NTN1: variants seen among roughly 807,000 people sequenced by gnomAD.
NTN1 encodes the protein netrin 1, also known as netrin-1.
Under a neutral mutation model 54.2 loss-of-function variants are expected in NTN1, and 11 were observed. The observed-to-expected ratio is 0.20, with a 90% CI of 0.13 to 0.34. The LOEUF is 0.34. Among genes scored for constraint, NTN1 ranks in the 10% least tolerant of loss-of-function variants. NTN1 has a pLI of 1.00. For synonymous variants in NTN1, 371 were observed against 382.0 expected, an observed-to-expected ratio of 0.97 and a Z score of 0.33; for missense variants, 740 against 893.1, an observed-to-expected ratio of 0.83 and a Z score of 2.18.
Position 9,117,784 on chromosome 17 carries a change from A to AAAC in NTN1, c.1019-45027_1019-45026insCAA, listed in dbSNP as rs1467214151. On this transcript the variant is annotated intron_variant, in intron 2 of 6. Coordinates refer to ENST00000173229, the MANE Select transcript of NTN1 (RefSeq NM_004822.3). ...AAACAAAAAAACCAAAAAAAAAAAA[A>AAAC]AAACAAGCTTCCATGTGCACGGCGT... 5.3e-5 allele frequency among the ~76,000 whole-genome samples: 8 copies of AAAC among 151,068 alleles called. No homozygotes were observed. In the South Asian group the frequency reaches 8.4e-4, roughly 16 times the overall value.
At chr17:9,085,287 C>T (rs571167982) in intron 2 of NTN1, among the ~76,000 whole-genome samples, 1 of 152,324 alleles carries the variant, frequency 6.6e-6, no homozygotes, top group East Asian at 1.9e-4. Context: ...TCCTCAGCTT[C>T]CCGATGGAAG....
At chr17:9,027,504 T>C (rs968727403) in intron 2 of NTN1, among the ~76,000 whole-genome samples, 1 of 152,104 alleles carries the variant, frequency 6.6e-6, no homozygotes, top group Non-Finnish European at 1.5e-5. Flanking sequence ...TGCTTTTCCA[T>C]AGAATGAATG....
upstream of NTN1, among the ~76,000 whole-genome samples, chr17:9,021,106 A>C (rs2091844892): frequency 6.6e-6 from 1 of 151,768 alleles, no homozygotes; most frequent in Non-Finnish European, 1.5e-5. Flanking sequence ...ACAAACACAG[A>C]TGTGTTTGGC....
rs143838223 is a variant in NTN1 at position 9,165,675 on chromosome 17, G to T, written c.1207+2674G>T. ...GGACTCTTAGTGCCTGTTGACTGGG[G>T]AGGAATGACAGTGTTTCAAGGAAAC... On this transcript the variant is annotated intron_variant, in intron 3 of 6. Transcript: ENST00000173229. This position sits in a 1 kb window ranked among gnomAD's most constrained non-coding sequence, Gnocchi z 4.5. 3.3e-5 allele frequency among the ~76,000 whole-genome samples: 5 copies of T among 152,312 alleles called. No homozygotes were observed. Among genetic ancestry groups the T allele is most frequent in the African/African-American group, 1.2e-4 (5 of 41,570 alleles).
At chr17:9,140,634 G>T (rs2092295104) in intron 2 of NTN1, among the ~76,000 whole-genome samples, 1 of 152,174 alleles carries the variant, frequency 6.6e-6, no homozygotes, top group Non-Finnish European at 1.5e-5. Context: ...AGTCCAACAG[G>T]AGTTGGCCAC....
intron 2 of NTN1, among the ~76,000 whole-genome samples, chr17:9,106,481 CT>C (rs2092166972): frequency 1.1e-4 from 4 of 34,932 alleles, no homozygotes; most frequent in East Asian, 0.016. Context: ...TCCTTCCTTC[CT>C]TCCTTCCTTC....
At chr17:9,151,238 G>C (rs1255676717) in intron 2 of NTN1, among the ~76,000 whole-genome samples, 1 of 152,166 alleles carries the variant, frequency 6.6e-6, no homozygotes, top group East Asian at 1.9e-4. Flanking sequence ...AAGCCCCACA[G>C]GTGTGAAGAA....
At chr17:9,218,674 C>T (rs1244182156) in intron 5 of NTN1, among the ~76,000 whole-genome samples, 6 of 152,098 alleles carry the variant, frequency 3.9e-5, no homozygotes, top group East Asian at 3.9e-4. Context: ...TTACCTTGGG[C>T]GGGCTGCTCT....
rs192037217 is a variant in NTN1, at chr17:9,039,351, G to A, written c.1018+15960G>A. 4.6e-5 allele frequency among the ~76,000 whole-genome samples: 7 copies of A among 152,312 alleles called. No individual in the cohort carries two copies. The East Asian group carries it at 7.7e-4, about 17-fold the overall frequency. ...GGTGATAGTTGAAAACATTGTAACTGTATCAACATGTCTCTTGTATGTAAT... is the reference window on the plus strand; with the variant it reads ...GGTGATAGTTGAAAACATTGTAACTATATCAACATGTCTCTTGTATGTAAT... On this transcript the variant is annotated intron_variant, in intron 2 of 6. Coordinates refer to ENST00000173229, the MANE Select transcript of NTN1 (RefSeq NM_004822.3).
chr17:9,163,063 C>G (rs951429965), intron 3 of NTN1, 62 bp downstream of exon 3: 3 of 1,476,480 alleles, frequency 2.0e-6, no homozygotes, highest in Non-Finnish European at 2.7e-6. Flanking sequence ...TCCTCCCGCT[C>G]CCTCCTCGCT....
intron 5 of NTN1, among the ~76,000 whole-genome samples, chr17:9,214,090 T>C (rs1378480366): frequency 6.6e-6 from 1 of 152,202 alleles, no homozygotes; most frequent in East Asian, 1.9e-4. Flanking sequence ...TGTATTCTAC[T>C]ATATTTCTAC....
the NTN1 span, among the ~76,000 whole-genome samples, chr17:9,011,873 A>G: frequency 6.6e-6 from 1 of 152,106 alleles, no homozygotes; most frequent in Non-Finnish European, 1.5e-5. Context: ...CAGGTGTGAG[A>G]CACTGCGCCT....
chr17:9,078,355 G>C (rs1339227981), intron 2 of NTN1, among the ~76,000 whole-genome samples: 1 of 152,188 alleles, frequency 6.6e-6, no homozygotes, highest in Non-Finnish European at 1.5e-5. Context: ...AGGACAGGGA[G>C]GAGTTAGCCA....
intron 2 of NTN1, among the ~76,000 whole-genome samples, chr17:9,029,433 G>A (rs190325247): frequency 3.0e-4 from 46 of 152,284 alleles, no homozygotes; most frequent in Non-Finnish European, 6.2e-4. Flanking sequence ...GGGGTATCAG[G>A]AGCGTTTGCT....
At chr17:9,022,282 G>T in intron 1 of NTN1, 29 bp from the exon 2 acceptor site, 1 of 1,220,030 alleles carries the variant, frequency 8.2e-7, no homozygotes, top group South Asian at 3.8e-5. Context: ...GGGGCGGGCT[G>T]GCTGAGCGCA....
rs562212842 is a variant in NTN1 at position 9,219,045 on chromosome 17, G to A, written c.1412-2123G>A. Among the ~76,000 whole-genome samples the A allele has an allele frequency of 1.2e-4, 19 of 152,280 alleles. No homozygotes were observed. The highest frequency in any genetic ancestry group is 4.1e-4 in the South Asian group (2 of 4,828). On this transcript the variant is annotated intron_variant, in intron 5 of 6. Coordinates refer to ENST00000173229, the MANE Select transcript of NTN1 (RefSeq NM_004822.3). This position sits in a 1 kb window ranked among gnomAD's most constrained non-coding sequence, Gnocchi z 4.5. ...CAGGAAGGGATTTCAGCCAGCTCACGCAGAATCGCCAGGACTTACGCACAA... is the reference window on the plus strand; with the variant it reads ...CAGGAAGGGATTTCAGCCAGCTCACACAGAATCGCCAGGACTTACGCACAA...
At chr17:9,116,842 A>G (rs1179740565) in intron 2 of NTN1, among the ~76,000 whole-genome samples, 5 of 149,742 alleles carry the variant, frequency 3.3e-5, no homozygotes, top group Admixed American at 2.0e-4. Context: ...AGGTGGAGGC[A>G]TATTCCACTC....
At chr17:9,228,454 C>A (rs146438218) in intron 6 of NTN1, among the ~76,000 whole-genome samples, 1 of 152,156 alleles carries the variant, frequency 6.6e-6, no homozygotes, top group Non-Finnish European at 1.5e-5. Context: ...CTCCAGCTCA[C>A]GTGGACACGC....
Position 9,240,062 on chromosome 17 carries a change from A to T in NTN1, c.*94A>T. On this transcript the variant is annotated 3_prime_UTR_variant, in exon 7 of 7. Coordinates refer to ENST00000173229, the MANE Select transcript of NTN1 (RefSeq NM_004822.3). ...CCGGCCGCCGCGGACTTGGCCCGCG[A>T]GGGCTTTCCCAGGTGGGGGGAGGGA... 1 of 257,724 alleles carries T rather than the reference A, an allele frequency of 3.9e-6. No homozygotes were observed. Among genetic ancestry groups the T allele is most frequent in the Non-Finnish European group, 4.9e-6 (1 of 204,062 alleles). 16.0% of individuals were successfully genotyped at this position (257,724 alleles called of 1,614,324 possible).
Sources: allele counts gnomAD v4.1 joint callset (sites outside exome capture counted in the v4.1 genomes callset), GRCh38; gene constraint gnomAD v4.1.1; non-coding constraint Gnocchi (gnomAD v3.1); transcripts MANE v1.5; gene names NCBI Gene and HGNC (gene_info 2026-07-23, HGNC 2026-07-21).